The following RBMS3 variants were observed in gnomAD, a reference collection of about 807,000 sequenced individuals.
RBMS3 encodes RNA-binding motif, single-stranded-interacting protein 3.
In RBMS3, 27 loss-of-function variants were observed where a neutral mutation model predicts 66.8. The ratio of observed to expected loss-of-function variants is 0.40; its 90% CI spans 0.30 to 0.56. The LOEUF (loss-of-function observed/expected upper bound fraction) is 0.56, where lower values mean the gene tolerates loss of function less well. Ranked by LOEUF, RBMS3 falls within the 20% of genes least tolerant of loss-of-function variation. The pLI is 0.40. For synonymous variants in RBMS3, 188 were observed against 183.0 expected (o/e 1.03, Z -0.22); for missense variants, 513 against 549.5 (o/e 0.93, Z 0.66).
intron 4 of RBMS3, among the ~76,000 whole-genome samples, chr3:29,593,091 C>T (rs142131507): frequency 0.039 from 5,974 of 151,700 alleles, 160 homozygotes; most frequent in Admixed American, 0.086. Context: ...GTGCAACACA[C>T]GAACATGGCA....
At chr3:29,850,544 A>T (rs943357784) in intron 6 of RBMS3, among the ~76,000 whole-genome samples, 1 of 152,106 alleles carries the variant, frequency 6.6e-6, no homozygotes, top group African/African-American at 2.4e-5. Flanking sequence ...AATTGAAGGA[A>T]ATTTCTATCC....
intron 6 of RBMS3, among the ~76,000 whole-genome samples, chr3:29,791,734 C>A (rs997834424): frequency 1.3e-5 from 2 of 152,122 alleles, no homozygotes; most frequent in Admixed American, 6.6e-5. Context: ...GTAGAACATC[C>A]TGACAGCGTT....
At chr3:29,690,230 G>C (rs186742131) in intron 4 of RBMS3, among the ~76,000 whole-genome samples, 1 of 152,014 alleles carries the variant, frequency 6.6e-6, no homozygotes, top group Non-Finnish European at 1.5e-5. Flanking sequence ...TGGGAGGATT[G>C]CTTGAGCCCA....
intron 2 of RBMS3, among the ~76,000 whole-genome samples, chr3:29,453,472 C>T (rs879262590): frequency 2.4e-4 from 36 of 152,156 alleles, no homozygotes; most frequent in Non-Finnish European, 4.4e-4. Flanking sequence ...GTTATTGCAG[C>T]GAATCCGAGC....
intron 1 of RBMS3, among the ~76,000 whole-genome samples, chr3:29,420,002 C>T (rs1431201349): frequency 6.6e-6 from 1 of 152,138 alleles, no homozygotes; most frequent in Admixed American, 6.5e-5. Context: ...TTTCATTCTG[C>T]TTAAGATGTA....
intron 1 of RBMS3, among the ~76,000 whole-genome samples, chr3:29,383,855 A>G (rs1333308237): frequency 1.3e-5 from 2 of 152,348 alleles, no homozygotes; most frequent in East Asian, 3.9e-4. Context: ...AATGTGGGCA[A>G]TACTATTATT....
At chr3:29,808,903 G>A (rs1415119411) in intron 6 of RBMS3, among the ~76,000 whole-genome samples, 2 of 151,882 alleles carry the variant, frequency 1.3e-5, no homozygotes, top group Admixed American at 6.6e-5. Flanking sequence ...TACTTTAAAA[G>A]ATATTGTAGG....
At chr3:29,943,639 A>C (rs2149703170) in intron 11 of RBMS3, among the ~76,000 whole-genome samples, 1 of 151,860 alleles carries the variant, frequency 6.6e-6, no homozygotes, top group East Asian at 1.9e-4. Context: ...ACAACACATA[A>C]AGCTTTTTGG....
intron 12 of RBMS3, among the ~76,000 whole-genome samples, chr3:29,964,824 A>G (rs1389478411): frequency 6.6e-6 from 1 of 152,140 alleles, no homozygotes; most frequent in East Asian, 1.9e-4. Flanking sequence ...CCATCACCCT[A>G]GCAGTATACA....
intron 6 of RBMS3, among the ~76,000 whole-genome samples, chr3:29,821,045 G>A (rs1313537868): frequency 6.6e-6 from 1 of 152,114 alleles, no homozygotes. Flanking sequence ...GAATACACTG[G>A]CTTCCTATAG....
chr3:29,958,324 C>A (rs1553707735), intron 12 of RBMS3, among the ~76,000 whole-genome samples: 1 of 151,782 alleles, frequency 6.6e-6, no homozygotes, highest in Non-Finnish European at 1.5e-5. Context: ...TTTTGTTGTT[C>A]CTGTCTTTGG....
chr3:29,296,328 G>C (rs2033259905), intron 1 of RBMS3, among the ~76,000 whole-genome samples: 1 of 151,772 alleles, frequency 6.6e-6, no homozygotes, highest in Admixed American at 6.6e-5. Flanking sequence ...TTTTTCCAAA[G>C]GCTTTGGAAA....
At chr3:29,772,312 A>T (rs1179711612) in intron 6 of RBMS3, among the ~76,000 whole-genome samples, 1 of 151,910 alleles carries the variant, frequency 6.6e-6, no homozygotes, top group Non-Finnish European at 1.5e-5. Flanking sequence ...GTCTTAGATG[A>T]TTTTTTCTAG....
intron 4 of RBMS3, among the ~76,000 whole-genome samples, chr3:29,729,545 T>G (rs1325155097): frequency 6.6e-6 from 1 of 152,180 alleles, no homozygotes; most frequent in African/African-American, 2.4e-5. Flanking sequence ...TAGTTCTAGA[T>G]GCTTGAGGAA....
At chr3:29,625,737 T>TAAATAAAA (rs1553633450) in intron 4 of RBMS3, among the ~76,000 whole-genome samples, 5 of 151,260 alleles carry the variant, frequency 3.3e-5, no homozygotes, top group African/African-American at 1.2e-4. Context: ...AATAAATAAA[T>TAAATAAAA]AAAAATAATC....
intron 4 of RBMS3, among the ~76,000 whole-genome samples, chr3:29,704,998 C>T (rs1196264396): frequency 1.3e-5 from 2 of 152,166 alleles, no homozygotes; most frequent in African/African-American, 2.4e-5. Flanking sequence ...AAACTGTTAC[C>T]GCATGGTGTT....
chr3:29,744,423 A>G (rs2054782380), intron 5 of RBMS3, among the ~76,000 whole-genome samples: 1 of 152,190 alleles, frequency 6.6e-6, no homozygotes, highest in African/African-American at 2.4e-5. Flanking sequence ...GGTAGCACCA[A>G]CCCAACTGGT....
intron 4 of RBMS3, among the ~76,000 whole-genome samples, chr3:29,705,412 C>T (rs1046813958): frequency 6.6e-6 from 1 of 152,126 alleles, no homozygotes; most frequent in Non-Finnish European, 1.5e-5. Flanking sequence ...GTTATAGAAA[C>T]TGATCCTTTT....
chr3:29,592,125 G>C (rs960556033), intron 4 of RBMS3, among the ~76,000 whole-genome samples: 1 of 151,466 alleles, frequency 6.6e-6, no homozygotes, highest in African/African-American at 2.4e-5. Context: ...TTTTTTACTT[G>C]ACATATAAAA....
Sources: gnomAD v4.1 joint callset for allele counts (sites outside exome capture counted in the v4.1 genomes callset) on GRCh38, gnomAD v4.1.1 for gene constraint, MANE v1.5 for transcripts, NCBI Gene and HGNC (gene_info 2026-07-23, HGNC 2026-07-21) for gene names.